Variants in MEIS1 observed in about 807,000 individuals in gnomAD.
MEIS1 encodes the protein homeobox protein Meis1.
A neutral mutation model predicts 50.8 loss-of-function variants in MEIS1; 5 were observed. That is an observed-to-expected ratio of 0.10 (90% CI 0.05 to 0.21). The LOEUF is 0.21. Ranked by LOEUF, MEIS1 falls within the 10% of genes least tolerant of loss-of-function variation. The pLI is 1.00. For synonymous variants in MEIS1, 176 were observed against 179.3 expected, an observed-to-expected ratio of 0.98 and a Z score of 0.15; for missense variants, 318 against 517.3, an observed-to-expected ratio of 0.61 and a Z score of 3.74.
chr2:66,440,477 G>A, intron 3 of MEIS1, 85 bp from the exon 4 acceptor site: 1 of 1,235,042 alleles, frequency 8.1e-7, no homozygotes, highest in South Asian at 1.3e-5. Flanking sequence ...AATGAGGCAA[G>A]AAACTAGGAA....
intron 3 of MEIS1, 60 bp downstream of exon 3, chr2:66,440,044 CACACACGCGCGCGCGCGCGCGCGA>C: frequency 6.6e-7 from 1 of 1,512,974 alleles, no homozygotes; most frequent in Admixed American, 2.2e-5. Context: ...CCTTCGCCAA[CACACACGCGCGCGCGCGCGCGCGA>C]ACACACACAC....
intron 8 of MEIS1, among the ~76,000 whole-genome samples, chr2:66,546,810 T>C (rs1056677335): frequency 5.3e-5 from 8 of 152,188 alleles, no homozygotes; most frequent in Non-Finnish European, 1.0e-4. Flanking sequence ...TGTATAGATA[T>C]AGAGCATATT....
chr2:66,515,727 T>A (rs1204753477), intron 8 of MEIS1, among the ~76,000 whole-genome samples: 1 of 152,300 alleles, frequency 6.6e-6, no homozygotes, highest in Middle Eastern at 3.4e-3. Flanking sequence ...AGAGGGTCTC[T>A]TAAAAGAAAC....
intron 8 of MEIS1, among the ~76,000 whole-genome samples, chr2:66,543,477 T>G (rs1385728746): frequency 6.6e-6 from 1 of 152,196 alleles, no homozygotes; most frequent in Admixed American, 6.5e-5. Context: ...GCCACTTAGT[T>G]TCCCTTTGAG....
chr2:66,516,250 C>T (rs1019788559), intron 8 of MEIS1, among the ~76,000 whole-genome samples: 30 of 152,076 alleles, frequency 2.0e-4, no homozygotes, highest in African/African-American at 6.3e-4. Flanking sequence ...ATGGAGCTCC[C>T]GTGCTTCCAG....
At chr2:66,564,000 C>T (rs961846165) in intron 9 of MEIS1, among the ~76,000 whole-genome samples, 3 of 152,130 alleles carry the variant, frequency 2.0e-5, no homozygotes, top group Non-Finnish European at 4.4e-5. Context: ...ATCATGACCC[C>T]AAATAATTAG....
chr2:66,566,908 G>A (rs1675363334), intron 9 of MEIS1, among the ~76,000 whole-genome samples: 1 of 151,996 alleles, frequency 6.6e-6, no homozygotes, highest in Admixed American at 6.6e-5. Flanking sequence ...AGTTAGTGGT[G>A]ATAAACTCCA....
chr2:66,515,004 T>C (rs1438463300), intron 8 of MEIS1, among the ~76,000 whole-genome samples: 1 of 152,214 alleles, frequency 6.6e-6, no homozygotes, highest in East Asian at 1.9e-4. Flanking sequence ...GTACTAATTC[T>C]TTAGTGACTT....
intron 8 of MEIS1, among the ~76,000 whole-genome samples, chr2:66,513,756 T>C (rs1405003904): frequency 6.6e-6 from 1 of 152,214 alleles, no homozygotes; most frequent in Non-Finnish European, 1.5e-5. Flanking sequence ...AACATCATAT[T>C]AGGTTTACCT....
At chr2:66,568,952 A>G in intron 11 of MEIS1, 98 bp from the exon 12 acceptor site, 1 of 1,217,962 alleles carries the variant, frequency 8.2e-7, no homozygotes, top group East Asian at 2.3e-5. Context: ...CTATTTCTCA[A>G]CCCTCTAGAT....
chr2:66,522,238 T>C (rs145376098), intron 8 of MEIS1, among the ~76,000 whole-genome samples: 12 of 152,318 alleles, frequency 7.9e-5, no homozygotes, highest in Non-Finnish European at 1.6e-4. Flanking sequence ...CAGGTTCTTA[T>C]GTGAGGATCA....
intron 12 of MEIS1, chr2:66,570,536 A>G (rs1675460816): frequency 6.6e-6 from 1 of 152,174 alleles, no homozygotes; most frequent in Admixed American, 6.5e-5. Context: ...CTTAGAACTA[A>G]AGCCAATTGA....
At chr2:66,556,679 C>T (rs1343530195) in intron 9 of MEIS1, among the ~76,000 whole-genome samples, 8 of 152,048 alleles carry the variant, frequency 5.3e-5, no homozygotes, top group Admixed American at 5.2e-4. Context: ...GCCTATATCA[C>T]TAGGACATCT....
intron 9 of MEIS1, among the ~76,000 whole-genome samples, chr2:66,559,124 A>G (rs1438122205): frequency 1.5e-3 from 2 of 1,302 alleles, no homozygotes; most frequent in African/African-American, 0.015. Flanking sequence ...CCTGGGTGAC[A>G]GAGAGAGAGA....
chr2:66,542,935 A>G (rs571780709), intron 8 of MEIS1, among the ~76,000 whole-genome samples: 1 of 152,186 alleles, frequency 6.6e-6, no homozygotes, highest in Non-Finnish European at 1.5e-5. Flanking sequence ...ACTGCATTCT[A>G]CAGAGTCTGT....
At chr2:66,570,231 G>C (rs1266567353) in intron 12 of MEIS1, 1 of 152,102 alleles carries the variant, frequency 6.6e-6, no homozygotes, top group Non-Finnish European at 1.5e-5. Context: ...GAATGCAACA[G>C]TCTTATTACC....
intron 7 of MEIS1, among the ~76,000 whole-genome samples, chr2:66,507,818 G>A (rs1455839151): frequency 6.6e-6 from 1 of 152,222 alleles, no homozygotes; most frequent in African/African-American, 2.4e-5. Flanking sequence ...AAATGCCTGG[G>A]CATGCTTAAA....
chr2:66,546,353 A>G lies in MEIS1; in HGVS notation c.889-1590A>G, dbSNP rs1358983591. Among the ~76,000 whole-genome samples, 3 of 152,128 alleles carry G rather than the reference A, an allele frequency of 2.0e-5. 1 individual carries two copies. Among genetic ancestry groups the G allele is most frequent in the African/African-American group, 7.2e-5 (3 of 41,444 alleles). ...GGTAGGAAGCGGGTGAGAAGAAGGT[A>G]TCAAAATCTGAGAAGTGGGCAAGGC... On this transcript the variant is annotated intron_variant, in intron 8 of 12. Coordinates refer to ENST00000272369, the MANE Select transcript of MEIS1 (RefSeq NM_002398.3).
chr2:66,498,531 T>C (rs949004855), intron 7 of MEIS1, among the ~76,000 whole-genome samples: 2 of 152,178 alleles, frequency 1.3e-5, no homozygotes, highest in African/African-American at 4.8e-5. Flanking sequence ...CCTGCAGTGC[T>C]AACAGGAGGA....
Sources: allele counts gnomAD v4.1 joint callset (sites outside exome capture counted in the v4.1 genomes callset), GRCh38; gene constraint gnomAD v4.1.1; transcripts MANE v1.5; gene names NCBI Gene and HGNC (gene_info 2026-07-23, HGNC 2026-07-21).